Variants in KIF27 observed in about 807,000 individuals in gnomAD.
KIF27 encodes kinesin-like protein KIF27.
Under a neutral mutation model 141.8 loss-of-function variants are expected in KIF27, and 84 were observed. The observed-to-expected ratio is 0.59, with a 90% CI of 0.50 to 0.71. The LOEUF (loss-of-function observed/expected upper bound fraction) is 0.71, where lower values mean the gene tolerates loss of function less well. Among genes scored for constraint, KIF27 ranks in the 30% least tolerant of loss-of-function variants. The pLI is 0.00. For synonymous variants in KIF27, 471 were observed against 569.5 expected (o/e 0.83, Z 2.46); for missense variants, 1,306 against 1,628.4 (o/e 0.80, Z 3.41).
intron 11 of KIF27, among the ~76,000 whole-genome samples, chr9:83,874,738 A>T (rs1245825060): frequency 1.3e-5 from 2 of 152,072 alleles, no homozygotes; most frequent in African/African-American, 4.8e-5. Context: ...GTTCGAGATC[A>T]GCCTGGGCAA....
In KIF27 at chr9:83,873,825, A is replaced by G. The variant is rs143206784; in HGVS notation, c.2644-3193T>C. Among the ~76,000 whole-genome samples, 1,213 of 152,258 alleles carry G rather than the reference A, an allele frequency of 8.0e-3. 28 individuals carry two copies. The highest frequency in any genetic ancestry group is 0.037 in the East Asian group (192 of 5,188). ...AGCACTTTGGGAGGCCAAGGCGGGT[A>G]GATCACAAGGTCAGGAGATCGAGAC... On this transcript the variant is annotated intron_variant, in intron 11 of 17. Coordinates refer to ENST00000297814, the MANE Select transcript of KIF27 (RefSeq NM_017576.4).
At chr9:83,906,183 T>G (rs1259442013) in intron 3 of KIF27, among the ~76,000 whole-genome samples, 1 of 152,216 alleles carries the variant, frequency 6.6e-6, no homozygotes, top group Non-Finnish European at 1.5e-5. Flanking sequence ...CCAGAAGAGA[T>G]AAACTGTACT....
intron 13 of KIF27, among the ~76,000 whole-genome samples, chr9:83,860,868 T>C (rs2780159): frequency 1.3e-5 from 2 of 150,950 alleles, no homozygotes; most frequent in Admixed American, 1.3e-4. Flanking sequence ...TTTCCCTGGA[T>C]AGGCTTGATG....
At chr9:83,861,228 G>A (rs1401661963) in intron 13 of KIF27, among the ~76,000 whole-genome samples, 1 of 151,650 alleles carries the variant, frequency 6.6e-6, no homozygotes, top group Non-Finnish European at 1.5e-5. Flanking sequence ...TGTGCACAAT[G>A]TGCAGGTTTG....
At chr9:83,856,906 CA>C (rs573136318) in intron 14 of KIF27, among the ~76,000 whole-genome samples, 19,540 of 76,138 alleles carry the variant, frequency 0.26, 1,220 homozygotes, top group African/African-American at 0.35. Flanking sequence ...GACTCCATCT[CA>C]AAAAAAAAAA....
intron 9 of KIF27, among the ~76,000 whole-genome samples, chr9:83,885,528 C>T (rs1421392035): frequency 1.3e-5 from 2 of 152,188 alleles, no homozygotes; most frequent in Admixed American, 1.3e-4. Flanking sequence ...CTTTAAAATA[C>T]ATACAACTAC....
chr9:83,872,595 C>A (rs902586648), intron 11 of KIF27, among the ~76,000 whole-genome samples: 1 of 152,152 alleles, frequency 6.6e-6, no homozygotes, highest in African/African-American at 2.4e-5. Flanking sequence ...CACTTTTCTA[C>A]TAATTCATGT....
At chr9:83,872,311 C>T (rs1381921373) in intron 11 of KIF27, among the ~76,000 whole-genome samples, 1 of 152,050 alleles carries the variant, frequency 6.6e-6, no homozygotes, top group Non-Finnish European at 1.5e-5. Flanking sequence ...GAGACTCCGT[C>T]TCAAAACAAA....
At chr9:83,862,301 G>C (rs1950002773) in intron 13 of KIF27, among the ~76,000 whole-genome samples, 1 of 151,736 alleles carries the variant, frequency 6.6e-6, no homozygotes, top group Non-Finnish European at 1.5e-5. Flanking sequence ...GGGTTTTTAT[G>C]GTTTTAGGTC....
chr9:83,848,160 A>ATCATATATC lies in KIF27; in HGVS notation c.3556+1938_3556+1939insGATATATGA, dbSNP rs796669934. ...ATATGATATATCTGATATATCATATATGATATATCTGATATATCATATATG... is the reference window on the plus strand; with the variant it reads ...ATATGATATATCTGATATATCATATATCATATATCTGATATATCTGATATATCATATATG... On this transcript the variant is annotated intron_variant, in intron 16 of 17. Transcript: ENST00000297814. Among the ~76,000 whole-genome samples, 2 of 42,968 alleles carry ATCATATATC rather than the reference A, an allele frequency of 4.7e-5. 1 individual carries two copies. The highest frequency in any genetic ancestry group is 4.5e-4 in the African/African-American group (2 of 4,452). The allele number at this position is 42,968 out of a possible 152,430, so 28.2% of individuals were successfully genotyped here.
In KIF27 at chr9:83,888,532, A is replaced by C; in HGVS notation, c.2040T>G (p.Ser680Arg). 1.2e-6 allele frequency: 2 copies of C among 1,600,744 alleles called. No individual in the cohort carries two copies. Among genetic ancestry groups the C allele is most frequent in the Non-Finnish European group, 1.7e-6 (2 of 1,172,460 alleles). Residue 680 changes from serine (S) to arginine (R), a missense_variant, in exon 8 of 18, where the codon AGT becomes AGG. Ser to Arg is a moderately radical substitution (Grantham distance 110, BLOSUM62 -1). Around this residue, in one of 4 missense-constraint regions of KIF27, gnomAD observed 596 missense variants for 751.6 expected, o/e 0.79. Coordinates refer to ENST00000297814, the MANE Select transcript of KIF27 (RefSeq NM_017576.4). Reference sequence around the variant, plus strand: ...ACTTTTGTGTTTCATCCTGAGTATCACTCAATTCAACAAGGGAACAAACAG... The same window carrying C: ...ACTTTTGTGTTTCATCCTGAGTATCCCTCAATTCAACAAGGGAACAAACAG... ...PDSVCSLVEL[S>R]DTQDETQKSD...
At position 83,836,545 on chromosome 9, in the gene KIF27, C is replaced by T. The variant is rs1354953525; in HGVS notation, c.*456G>A. ...GAGAGGTTGTCTTAGCCCACATATG[C>T]AGCAGGTGACTCCCTCTGACAAAAG... On this transcript the variant is annotated 3_prime_UTR_variant, in exon 18 of 18. Coordinates refer to ENST00000297814, the MANE Select transcript of KIF27 (RefSeq NM_017576.4). 6.6e-6 allele frequency among the ~76,000 whole-genome samples: 1 copy of T among 151,928 alleles called. No homozygotes were observed. The highest frequency in any genetic ancestry group is 1.5e-5 in the Non-Finnish European group (1 of 68,006).
In KIF27 at chr9:83,877,614, A is replaced by T. The variant is rs151185354; in HGVS notation, c.2643+2683T>A. ...GGATTTAGGCAATGGATTCTTAGAC[A>T]TGACACCAAAAAGCACAAGCAACAG... On this transcript the variant is annotated intron_variant, in intron 11 of 17. Coordinates refer to ENST00000297814, the MANE Select transcript of KIF27 (RefSeq NM_017576.4). Among the ~76,000 whole-genome samples the T allele has an allele frequency of 1.1e-3, 160 of 152,328 alleles. 1 individual carries two copies. The highest frequency in any genetic ancestry group is 2.7e-3 in the Admixed American group (42 of 15,300).
intron 15 of KIF27, among the ~76,000 whole-genome samples, chr9:83,852,959 TC>T (rs910135420): frequency 1.3e-5 from 2 of 152,200 alleles, no homozygotes; most frequent in Admixed American, 1.3e-4. Context: ...TGTCTGATAT[TC>T]CCATAAATTG....
At chr9:83,875,077 T>G (rs1229982806) in intron 11 of KIF27, among the ~76,000 whole-genome samples, 2 of 152,104 alleles carry the variant, frequency 1.3e-5, no homozygotes, top group African/African-American at 4.8e-5. Context: ...TGCTATGTCT[T>G]GCTGGTTTAA....
intron 2 of KIF27, 135 bp from the exon 3 acceptor site, chr9:83,908,787 T>C (rs1954845173): frequency 2.2e-6 from 1 of 444,992 alleles, no homozygotes; most frequent in African/African-American, 2.0e-5. Flanking sequence ...GGGGACGGAG[T>C]CTTGCTCTGT....
chr9:83,844,672 T>C (rs541846818), intron 16 of KIF27, among the ~76,000 whole-genome samples: 5 of 152,306 alleles, frequency 3.3e-5, no homozygotes, highest in Admixed American at 6.5e-5. Context: ...TGTAATAAAT[T>C]TGACCATATG....
chr9:83,896,003 G>C (rs139988537), intron 5 of KIF27, among the ~76,000 whole-genome samples: 1,956 of 128,032 alleles, frequency 0.015, no homozygotes, highest in African/African-American at 0.054. Flanking sequence ...AGTGAGCCGA[G>C]ATCATGCCAT....
At chr9:83,839,311 C>G (rs1030321613) in intron 17 of KIF27, among the ~76,000 whole-genome samples, 1 of 152,192 alleles carries the variant, frequency 6.6e-6, no homozygotes, top group Non-Finnish European at 1.5e-5. Context: ...TTCCCTCTTC[C>G]AGAATTTTAT....
Sources: allele counts gnomAD v4.1 joint callset (sites outside exome capture counted in the v4.1 genomes callset), GRCh38; gene constraint gnomAD v4.1.1; regional missense constraint gnomAD v4.1.1; transcripts MANE v1.5; gene names NCBI Gene and HGNC (gene_info 2026-07-23, HGNC 2026-07-21).